TTI2: variants seen among roughly 807,000 people sequenced by gnomAD.
The protein encoded by TTI2 is TELO2-interacting protein 2.
A neutral mutation model predicts 44.9 loss-of-function variants in TTI2; 26 were observed. That is an observed-to-expected ratio of 0.58 (90% CI 0.42 to 0.80). The LOEUF (loss-of-function observed/expected upper bound fraction) is 0.80. Ranked by LOEUF, TTI2 falls within the 30% of genes least tolerant of loss-of-function variation. The pLI, the probability that TTI2 is intolerant of heterozygous loss-of-function variation, is 0.00. For missense variants in TTI2, 582 were observed against 611.6 expected, an observed-to-expected ratio of 0.95 and a Z score of 0.51; for synonymous variants, 254 against 250.9, an observed-to-expected ratio of 1.01 and a Z score of -0.12.
In TTI2 at chr8:33,509,626, A is replaced by C. The variant is rs1350551061; in HGVS notation, c.834+120T>G. ...CTTCTACCAGGTGGATAGAGGAAAA[A>C]TATAAGGAGAAAATACAAATAAGTA... On this transcript the variant is annotated intron_variant, in intron 3 of 7. Transcript: ENST00000431156. 1.5e-5 allele frequency: 15 copies of C among 996,504 alleles called. No individual in the cohort carries two copies. In the East Asian group the frequency reaches 3.5e-4, roughly 24 times the overall value. The allele number at this position is 996,504 out of a possible 1,614,324, so 61.7% of individuals were successfully genotyped here.
Position 33,503,871 on chromosome 8 carries a change from TCTC to T in TTI2, c.989_991del (p.Gly330del). On this transcript the variant is annotated inframe_deletion, in exon 5 of 8. Transcript: ENST00000431156. ...ACAATGGGTGGTGGGTCGAGCTCCA[TCTC>T]CTTTCCAGTGCAGGGTTTTCTCCAG... 6.2e-7 allele frequency: 1 copy of T among 1,614,028 alleles called. No homozygotes were observed. Among genetic ancestry groups the T allele is most frequent in the South Asian group, 1.1e-5 (1 of 91,074 alleles).
chr8:33,509,832 G>T lies in TTI2; in HGVS notation c.748C>A (p.Pro250Thr). The T allele has an allele frequency of 6.2e-7, 1 of 1,614,064 alleles. No homozygotes were observed. Among genetic ancestry groups the T allele is most frequent in the Non-Finnish European group, 8.5e-7 (1 of 1,179,988 alleles). Residue 250 changes from proline (P) to threonine (T), a missense_variant, in exon 3 of 8, where the codon CCC becomes ACC. Physicochemically the swap from Pro to Thr is conservative, Grantham distance 38. Transcript: ENST00000431156. Reference sequence around the variant, plus strand: ...TCATCTGAAATGACCAATGATGCGGGAAGTACCCTTTCCAGATGCTGGCTC... The same window carrying T: ...TCATCTGAAATGACCAATGATGCGGTAAGTACCCTTTCCAGATGCTGGCTC... ...WLSQHLERVLPASLVISDDYQ... is the reference protein window; with the variant it reads ...WLSQHLERVLTASLVISDDYQ...
At chr8:33,507,532 G>T (rs1259470703) in intron 3 of TTI2, among the ~76,000 whole-genome samples, 1 of 152,168 alleles carries the variant, frequency 6.6e-6, no homozygotes, top group African/African-American at 2.4e-5. Flanking sequence ...AGTGATAAAA[G>T]ATTCCTCTGG....
chr8:33,499,058 A>G lies in TTI2; in HGVS notation c.*115T>C, dbSNP rs1407475742. The G allele has an allele frequency of 4.6e-6, 4 of 868,922 alleles. No homozygotes were observed. The highest frequency in any genetic ancestry group is 5.6e-6 in the Non-Finnish European group (3 of 531,868). The allele number at this position is 868,922 out of a possible 1,614,324, so 53.8% of individuals were successfully genotyped here. On this transcript the variant is annotated 3_prime_UTR_variant, in exon 8 of 8. Transcript: ENST00000431156. ...GTAAAAGGAAAGGAAGGAAGGAAAAAGCAGCTTTCACTTACAAAGTTTCGT... is the reference window on the plus strand; with the variant it reads ...GTAAAAGGAAAGGAAGGAAGGAAAAGGCAGCTTTCACTTACAAAGTTTCGT...
At chr8:33,505,951 C>A (rs192322343) in intron 4 of TTI2, among the ~76,000 whole-genome samples, 1 of 152,256 alleles carries the variant, frequency 6.6e-6, no homozygotes, top group African/African-American at 2.4e-5. Flanking sequence ...CCATGCCCAG[C>A]AATTTTGCAT....
rs1233461767 is a variant in TTI2, at chr8:33,500,362, A to AGAT, written c.1387_1388insATC (p.Ile463delinsAsnLeu). On this transcript the variant is annotated protein_altering_variant, in exon 7 of 8. Coordinates refer to ENST00000431156, the MANE Select transcript of TTI2 (RefSeq NM_001102401.4). ...TCCTTGAGAACAGCGGTCCAGGAGA[A>AGAT]TCAGGCAGTCTGTGGCCTCCTGTAG... 1 of 1,614,066 alleles carries AGAT rather than the reference A, an allele frequency of 6.2e-7. No individual in the cohort carries two copies. Among genetic ancestry groups the AGAT allele is most frequent in the East Asian group, 2.2e-5 (1 of 44,896 alleles).
intron 2 of TTI2, 47 bp from the exon 3 acceptor site, chr8:33,509,979 C>CAAAAAAAAAAAAAAAA: frequency 4.8e-6 from 2 of 416,694 alleles, no homozygotes; most frequent in African/African-American, 3.1e-5. Flanking sequence ...TGATAAGTAG[C>CAAAAAAAAAAAAAAAA]AAAAAAAAAA....
Position 33,500,494 on chromosome 8 carries a change from G to C in TTI2, c.1260-4C>G, listed in dbSNP as rs751077756. 9.3e-6 allele frequency: 15 copies of C among 1,613,888 alleles called. No individual in the cohort carries two copies. Among genetic ancestry groups the C allele is most frequent in the Non-Finnish European group, 1.3e-5 (15 of 1,179,950 alleles). Reference sequence around the variant, plus strand: ...GACCACAAGTCTGCAGGAAACTCTGGAATCAGGAAGAAAAGCTATGTTCAT... The same window carrying C: ...GACCACAAGTCTGCAGGAAACTCTGCAATCAGGAAGAAAAGCTATGTTCAT... On this transcript the variant is annotated splice_polypyrimidine_tract_variant and splice_region_variant and intron_variant, in intron 6 of 7. Transcript: ENST00000431156.
Position 33,507,223 on chromosome 8 carries a change from T to C in TTI2, c.927+6A>G. On this transcript the variant is annotated splice_donor_region_variant and intron_variant, in intron 4 of 7. Transcript: ENST00000431156. ...AGACCCAGTTATGAAGAAATCATAC[T>C]ATTACCTGAATGAGGTGGTGCTCTG... is the stretch of plus-strand genomic sequence containing the variant. The C allele has an allele frequency of 6.2e-7, 1 of 1,612,642 alleles. No homozygotes were observed. Among genetic ancestry groups the C allele is most frequent in the Non-Finnish European group, 8.5e-7 (1 of 1,178,630 alleles).
intron 3 of TTI2, among the ~76,000 whole-genome samples, chr8:33,509,132 CAAAAAAAAA>C (rs751009227): frequency 1.1e-3 from 110 of 97,064 alleles, no homozygotes; most frequent in Non-Finnish European, 1.4e-3. Flanking sequence ...GATAATGTCT[CAAAAAAAAA>C]AAAAAAAAAA....
chr8:33,507,173 C>A, intron 4 of TTI2, 56 bp downstream of exon 4: 1 of 1,469,922 alleles, frequency 6.8e-7, no homozygotes, highest in Admixed American at 1.7e-5. Context: ...CACAATGCAA[C>A]CTTCTACTCA....
At chr8:33,508,087 TA>T (rs58891946) in intron 3 of TTI2, among the ~76,000 whole-genome samples, 10 of 19,504 alleles carry the variant, frequency 5.1e-4, no homozygotes, top group South Asian at 3.2e-3. Context: ...CTAGCGGTAG[TA>T]AAAAAAAAAA....
Position 33,512,106 on chromosome 8 carries a change from C to T in TTI2, c.508G>A (p.Glu170Lys). The T allele has an allele frequency of 1.2e-6, 2 of 1,614,104 alleles. No homozygotes were observed. Among genetic ancestry groups the T allele is most frequent in the Non-Finnish European group, 1.7e-6 (2 of 1,180,008 alleles). ...EQPWTTPRSR[E>K]VAREVLTSLL... ...GAGGTGAGCACCTCCCTAGCAACTT[C>T]CCGAGATCTCGGAGTGGTCCATGGT... Residue 170 changes from glutamate (E) to lysine (K), a missense_variant, in exon 2 of 8, where the codon GAA (glutamate) becomes AAA (lysine). Coordinates refer to ENST00000431156, the MANE Select transcript of TTI2 (RefSeq NM_001102401.4).
chr8:33,503,909 T>C lies in TTI2; in HGVS notation c.954A>G (p.Leu318=). The part of the protein sequence containing the change: ...IQAVLLCLLD[L]FPILEKTLHW... ...GCAGGGTTTTCTCCAGGATGGGGAATAAATCCAGCAGACACAGGAGCACAG... is the reference window on the plus strand; with the variant it reads ...GCAGGGTTTTCTCCAGGATGGGGAACAAATCCAGCAGACACAGGAGCACAG... The change falls in exon 5 of 8, where the codon TTA becomes TTG. Residue 318 remains leucine, a synonymous_variant. Coordinates refer to ENST00000431156, the MANE Select transcript of TTI2 (RefSeq NM_001102401.4). The C allele has an allele frequency of 6.2e-7, 1 of 1,613,944 alleles. No homozygotes were observed. The highest frequency in any genetic ancestry group is 8.5e-7 in the Non-Finnish European group (1 of 1,179,988).
In TTI2 at chr8:33,504,289, A is replaced by ATTTTTTTTTTTTTTT. The variant is rs1169577360; in HGVS notation, c.928-369_928-355dup. On this transcript the variant is annotated intron_variant, in intron 4 of 7. Transcript: ENST00000431156. Reference sequence around the variant, plus strand: ...ACTTAGTGATACATGATATTTACACATTTTTTTTTTTTTTTTTTTTTTTTT... The same window carrying ATTTTTTTTTTTTTTT: ...ACTTAGTGATACATGATATTTACACATTTTTTTTTTTTTTTTTTTTTTTTTTTTTTTTTTTTTTTT... 1.8e-4 allele frequency among the ~76,000 whole-genome samples: 13 copies of ATTTTTTTTTTTTTTT among 72,978 alleles called. 1 individual carries two copies. Among genetic ancestry groups the ATTTTTTTTTTTTTTT allele is most frequent in the Non-Finnish European group, 2.1e-4 (9 of 42,298 alleles). The allele number at this position is 72,978 out of a possible 152,430, so 47.9% of individuals were successfully genotyped here. A position where few individuals can be genotyped will look rare whatever the true frequency, so the allele number is the denominator to read the frequency against.
Position 33,512,341 on chromosome 8 carries a change from CTT to C in TTI2, c.271_272del (p.Lys91ValfsTer13). On this transcript the variant is annotated frameshift_variant, in exon 2 of 8. Coordinates refer to ENST00000431156, the MANE Select transcript of TTI2 (RefSeq NM_001102401.4). LOFTEE classifies it high-confidence loss of function. Reference sequence around the variant, plus strand: ...CCTCCTCCTTGGAGGGGGCTGCATACTTCTCCAGGGCTTTTGCTACCTGCCCC... The same window carrying C: ...CCTCCTCCTTGGAGGGGGCTGCATACCTCCAGGGCTTTTGCTACCTGCCCC... ...TLGQVAKALE[K>X]YAAPSKEEEG... The C allele has an allele frequency of 6.2e-7, 1 of 1,614,222 alleles. No individual in the cohort carries two copies. Among genetic ancestry groups the C allele is most frequent in the Non-Finnish European group, 8.5e-7 (1 of 1,180,036 alleles).
rs1168729657 is a variant in TTI2 at position 33,503,918 on chromosome 8, C to G, written c.945G>C (p.Leu315=). Residue 315 remains leucine, a synonymous_variant, in exon 5 of 8, where the codon CTG becomes CTC. Transcript: ENST00000431156. The part of the protein sequence containing the change: ...HHLIQAVLLC[L]LDLFPILEKT... ...TCTCCAGGATGGGGAATAAATCCAG[C>G]AGACACAGGAGCACAGCCTAGGAGG... 1.9e-6 allele frequency: 3 copies of G among 1,614,042 alleles called. No homozygotes were observed. The East Asian group carries it at 6.7e-5, about 36-fold the overall frequency.
At chr8:33,500,543 TG>T (rs1809037475) in intron 6 of TTI2, 53 bp from the exon 7 acceptor site, 3 of 1,600,830 alleles carry the variant, frequency 1.9e-6, no homozygotes, top group South Asian at 1.1e-5. Flanking sequence ...ATATTAAAAT[TG>T]GAAGAGACTT....
In TTI2 at chr8:33,500,418, GT is replaced by G; in HGVS notation, c.1331del (p.Asn444ThrfsTer19). ...CGCTCTTAACAGACTCAGGTGTAAG[GT>G]TTGGATCCCTTGCTACATCACAAAT... is the stretch of plus-strand genomic sequence containing the variant. ...KLICDVARDP[N>X]LTPESVKSAL... On this transcript the variant is annotated frameshift_variant, in exon 7 of 8. Transcript: ENST00000431156. LOFTEE classifies it high-confidence loss of function. 1.2e-6 allele frequency: 2 copies of G among 1,614,124 alleles called. No homozygotes were observed. Among genetic ancestry groups the G allele is most frequent in the Non-Finnish European group, 1.7e-6 (2 of 1,180,006 alleles).
Sources: allele counts gnomAD v4.1 joint callset (sites outside exome capture counted in the v4.1 genomes callset), GRCh38; gene constraint gnomAD v4.1.1; transcripts MANE v1.5; gene names NCBI Gene and HGNC (gene_info 2026-07-23, HGNC 2026-07-21).